The following GUCY1A2 variants were observed in gnomAD, a reference collection of about 807,000 sequenced individuals.
The protein encoded by GUCY1A2 is guanylate cyclase 1 soluble subunit alpha 2.
Under a neutral mutation model 63.5 loss-of-function variants are expected in GUCY1A2, and 27 were observed. That is an observed-to-expected ratio of 0.43 (90% CI 0.31 to 0.59). The LOEUF (loss-of-function observed/expected upper bound fraction) is 0.59, where lower values mean the gene tolerates loss of function less well. Ranked by LOEUF, GUCY1A2 falls within the 20% of genes least tolerant of loss-of-function variation. The pLI is 0.11. For missense variants in GUCY1A2, 768 were observed against 913.3 expected, an observed-to-expected ratio of 0.84 and a Z score of 2.05; for synonymous variants, 364 against 343.5, an observed-to-expected ratio of 1.06 and a Z score of -0.66.
chr11:106,888,756 T>G (rs1393852222), intron 4 of GUCY1A2, among the ~76,000 whole-genome samples: 1 of 152,206 alleles, frequency 6.6e-6, no homozygotes, highest in Non-Finnish European at 1.5e-5. Flanking sequence ...ATTGCTCCAC[T>G]GCTATACTTC....
intron 1 of GUCY1A2, among the ~76,000 whole-genome samples, chr11:107,011,287 G>A (rs2120210639): frequency 6.6e-6 from 1 of 152,002 alleles, no homozygotes; most frequent in East Asian, 1.9e-4. Flanking sequence ...TCAAATGACA[G>A]TGCATTTATT....
At chr11:106,743,823 T>C (rs1863738830) in intron 6 of GUCY1A2, among the ~76,000 whole-genome samples, 1 of 152,206 alleles carries the variant, frequency 6.6e-6, no homozygotes, top group South Asian at 2.1e-4. Context: ...GGTAGTGTTT[T>C]ATGTATAAAG....
chr11:106,754,077 T>G (rs1863931027), intron 6 of GUCY1A2, among the ~76,000 whole-genome samples: 1 of 151,778 alleles, frequency 6.6e-6, no homozygotes, highest in Non-Finnish European at 1.5e-5. Flanking sequence ...TCACATCCCT[T>G]GAAAGTTGGA....
intron 6 of GUCY1A2, among the ~76,000 whole-genome samples, chr11:106,747,509 G>A (rs1863810793): frequency 1.3e-5 from 2 of 152,152 alleles, no homozygotes; most frequent in Non-Finnish European, 1.5e-5. Context: ...ACTGCTTAAG[G>A]ATTAGTACTA....
At chr11:106,893,617 G>C (rs11211966) in intron 4 of GUCY1A2, among the ~76,000 whole-genome samples, 11,392 of 152,140 alleles carry the variant, frequency 0.075, 532 homozygotes, top group East Asian at 0.13. Flanking sequence ...GTAAAAAGCA[G>C]AATAAACTGA....
intron 7 of GUCY1A2, among the ~76,000 whole-genome samples, chr11:106,704,676 A>G: frequency 6.6e-6 from 1 of 152,324 alleles, no homozygotes; most frequent in Middle Eastern, 3.4e-3. Context: ...AAAGTAATTC[A>G]AGTCTTTCTA....
intron 3 of GUCY1A2, among the ~76,000 whole-genome samples, chr11:106,941,091 G>C (rs1591336142): frequency 6.6e-6 from 1 of 152,186 alleles, no homozygotes; most frequent in East Asian, 1.9e-4. Flanking sequence ...GAAAAAACAA[G>C]AAAATAATAA....
intron 4 of GUCY1A2, among the ~76,000 whole-genome samples, chr11:106,858,190 G>A (rs1381201027): frequency 6.6e-6 from 1 of 152,110 alleles, no homozygotes; most frequent in Non-Finnish European, 1.5e-5. Flanking sequence ...AAGTCTTGGA[G>A]AGTTATGGTT....
intron 6 of GUCY1A2, among the ~76,000 whole-genome samples, chr11:106,750,726 T>G (rs1471084985): frequency 5.5e-5 from 8 of 145,586 alleles, no homozygotes. Flanking sequence ...TTTAGCACCA[T>G]AGTGGATGTA....
intron 6 of GUCY1A2, chr11:106,746,737 T>A (rs1863794896): frequency 1.6e-6 from 1 of 644,414 alleles, no homozygotes; most frequent in Non-Finnish European, 2.7e-6. Flanking sequence ...CATATAGCCA[T>A]GATTTTGTAG....
At chr11:106,985,263 A>T (rs1384956274) in intron 2 of GUCY1A2, among the ~76,000 whole-genome samples, 1 of 152,244 alleles carries the variant, frequency 6.6e-6, no homozygotes, top group Non-Finnish European at 1.5e-5. Flanking sequence ...CTAACAAGGT[A>T]AATTAAAATA....
Position 106,939,968 on chromosome 11 carries a change from C to T in GUCY1A2, c.698G>A (p.Gly233Asp). 7 of 1,613,958 alleles carry T rather than the reference C, an allele frequency of 4.3e-6. No individual in the cohort carries two copies. The highest frequency in any genetic ancestry group is 1.7e-5 in the Admixed American group (1 of 60,008). The change falls in exon 4 of 8, where the codon GGT (glycine) becomes GAT (aspartate). Residue 233 changes from glycine to aspartate, a missense_variant. Gly to Asp is a moderately conservative substitution (Grantham distance 94). This residue lies in a region of GUCY1A2 where 496 missense variants were observed against 486.9 expected (regional missense o/e 1.02). Transcript: ENST00000526355. ...GTGGAAGTAGTGGAGCATGAGAGTA[C>T]CTTCAGGGAGCTCTTTGCATAGGAA... ...PSFLCKELPEGTLMLHYFHPH... is the reference protein window; with the variant it reads ...PSFLCKELPEDTLMLHYFHPH...
rs563208222 is a variant in GUCY1A2 at position 106,713,599 on chromosome 11, C to T, written c.1837-4933G>A. 1.0e-3 allele frequency among the ~76,000 whole-genome samples: 149 copies of T among 143,950 alleles called. 2 individuals carry two copies. The highest frequency in any genetic ancestry group is 3.4e-3 in the African/African-American group (131 of 38,238). The allele number at this position is 143,950 out of a possible 152,430, so 94.4% of individuals were successfully genotyped here. ...TCAGCTCACTGCAAGCTCCGTCTCCCGGGTTCACGCCATTCTCCTGCCTCA... is the reference window on the plus strand; with the variant it reads ...TCAGCTCACTGCAAGCTCCGTCTCCTGGGTTCACGCCATTCTCCTGCCTCA... On this transcript the variant is annotated intron_variant, in intron 6 of 7. Coordinates refer to ENST00000526355, the MANE Select transcript of GUCY1A2 (RefSeq NM_000855.3).
At chr11:106,972,826 T>C (rs574057935) in intron 3 of GUCY1A2, among the ~76,000 whole-genome samples, 3 of 152,172 alleles carry the variant, frequency 2.0e-5, no homozygotes, top group South Asian at 4.1e-4. Context: ...TTCAGGGCAG[T>C]TGTGGGAAAG....
Position 107,017,930 on chromosome 11 carries a change from C to A in GUCY1A2, c.126G>T (p.Pro42=), listed in dbSNP as rs1393608424. The A allele has an allele frequency of 1.5e-6, 2 of 1,324,168 alleles. No individual in the cohort carries two copies. The highest frequency in any genetic ancestry group is 2.4e-5 in the South Asian group (1 of 42,106). 82.0% of individuals were successfully genotyped at this position (1,324,168 alleles called of 1,614,324 possible). Residue 42 remains proline, a synonymous_variant, in exon 1 of 8, where the codon CCG becomes CCT. Coordinates refer to ENST00000526355, the MANE Select transcript of GUCY1A2 (RefSeq NM_000855.3). Reference sequence around the variant, plus strand: ...CCGGGCTGGGCTCCAGCGGCCCGGGCGGGCTCCGGCTGCCATTCCAGCAGA... The same window carrying A: ...CCGGGCTGGGCTCCAGCGGCCCGGGAGGGCTCCGGCTGCCATTCCAGCAGA... ...SRLCWNGSRS[P]PGPLEPSPAA... is the part of the protein sequence containing the mutation.
At chr11:106,909,744 C>A (rs1317814924) in intron 4 of GUCY1A2, among the ~76,000 whole-genome samples, 1 of 151,958 alleles carries the variant, frequency 6.6e-6, no homozygotes, top group Non-Finnish European at 1.5e-5. Context: ...GGCTGTTTAA[C>A]CATTTACCCA....
At chr11:106,689,408 C>T (rs1862583049) in intron 7 of GUCY1A2, among the ~76,000 whole-genome samples, 1 of 152,144 alleles carries the variant, frequency 6.6e-6, no homozygotes, top group East Asian at 1.9e-4. Context: ...CTTTCAAAAG[C>T]CTTATCCCAT....
chr11:106,925,628 A>T (rs1399417096), intron 4 of GUCY1A2, among the ~76,000 whole-genome samples: 1 of 152,368 alleles, frequency 6.6e-6, no homozygotes, highest in African/African-American at 2.4e-5. Flanking sequence ...TATATTGTCT[A>T]CATTATAATA....
intron 4 of GUCY1A2, among the ~76,000 whole-genome samples, chr11:106,932,354 C>T (rs905460790): frequency 1.3e-5 from 2 of 151,802 alleles, no homozygotes; most frequent in Non-Finnish European, 2.9e-5. Context: ...AGTAACTATA[C>T]AGGAACAATG....
Sources: gnomAD v4.1 joint callset for allele counts (sites outside exome capture counted in the v4.1 genomes callset) on GRCh38, gnomAD v4.1.1 for gene constraint, gnomAD v4.1.1 regional missense constraint, MANE v1.5 for transcripts, NCBI Gene and HGNC (gene_info 2026-07-23, HGNC 2026-07-21) for gene names.